The following MRPS28 variants were observed in gnomAD, a reference collection of about 807,000 sequenced individuals.
MRPS28 encodes the protein small ribosomal subunit protein bS1m.
MRPS28 carries 7 observed loss-of-function variants against 10.8 expected under a neutral mutation model. The ratio of observed to expected loss-of-function variants is 0.65; its 90% CI spans 0.37 to 1.22. MRPS28 has a LOEUF of 1.22. MRPS28 is among the 50% of genes most tolerant of loss of function. The pLI is 0.02. For synonymous variants in MRPS28, 121 were observed against 93.3 expected, an observed-to-expected ratio of 1.30 and a Z score of -1.71; for missense variants, 265 against 232.9, an observed-to-expected ratio of 1.14 and a Z score of -0.90.
intron 2 of MRPS28, among the ~76,000 whole-genome samples, chr8:79,991,699 T>C (rs1223131343): frequency 1.3e-5 from 2 of 152,238 alleles, no homozygotes; most frequent in African/African-American, 2.4e-5. Context: ...TAAATTTTTG[T>C]ATTAAAAGTT....
intron 1 of MRPS28, among the ~76,000 whole-genome samples, chr8:80,009,966 A>C (rs1310471387): frequency 1.3e-5 from 2 of 152,240 alleles, no homozygotes; most frequent in Non-Finnish European, 2.9e-5. Context: ...TCTGAACATG[A>C]GTTCCTGATA....
At chr8:79,981,895 TG>T (rs1807965026) in intron 2 of MRPS28, among the ~76,000 whole-genome samples, 1 of 152,234 alleles carries the variant, frequency 6.6e-6, no homozygotes, top group Admixed American at 6.5e-5. Flanking sequence ...TATACCTATT[TG>T]ATATCTAATT....
At chr8:79,975,384 A>ATTTT (rs1807767944) in intron 2 of MRPS28, among the ~76,000 whole-genome samples, 1 of 152,218 alleles carries the variant, frequency 6.6e-6, no homozygotes, top group Non-Finnish European at 1.5e-5. Flanking sequence ...CAAAGGCAAA[A>ATTTT]GCCTTTGTAA....
At chr8:79,990,191 T>C (rs560081101) in intron 2 of MRPS28, among the ~76,000 whole-genome samples, 1 of 152,072 alleles carries the variant, frequency 6.6e-6, no homozygotes, top group East Asian at 1.9e-4. Flanking sequence ...AGAATAACCA[T>C]AACATGTCTA....
intron 1 of MRPS28, among the ~76,000 whole-genome samples, chr8:80,013,631 T>A (rs2130204034): frequency 5.1e-5 from 2 of 39,264 alleles, no homozygotes; most frequent in Non-Finnish European, 4.5e-5. Flanking sequence ...CAAGACTCCA[T>A]CTCAAAAAAA....
intron 2 of MRPS28, among the ~76,000 whole-genome samples, chr8:79,929,079 A>G (rs1482254920): frequency 6.6e-6 from 1 of 152,094 alleles, no homozygotes; most frequent in East Asian, 1.9e-4. Flanking sequence ...AAACAAAACA[A>G]AAAAACACTA....
intron 2 of MRPS28, among the ~76,000 whole-genome samples, chr8:79,923,397 G>A (rs1210817475): frequency 6.6e-6 from 1 of 152,012 alleles, no homozygotes; most frequent in Non-Finnish European, 1.5e-5. Context: ...GTCTTATAAT[G>A]TCTTTCCTAT....
At chr8:80,002,214 ATG>A (rs1484026451) in intron 2 of MRPS28, among the ~76,000 whole-genome samples, 1 of 152,160 alleles carries the variant, frequency 6.6e-6, no homozygotes, top group Non-Finnish European at 1.5e-5. Flanking sequence ...CAATTTTTAT[ATG>A]CCAAAAACTT....
chr8:79,983,972 T>C (rs1337444926), intron 2 of MRPS28, among the ~76,000 whole-genome samples: 2 of 151,954 alleles, frequency 1.3e-5, no homozygotes, highest in East Asian at 1.9e-4. Context: ...CACATAATTG[T>C]CAGATTCACC....
intron 2 of MRPS28, among the ~76,000 whole-genome samples, chr8:79,934,826 T>A (rs959154277): frequency 6.6e-6 from 1 of 152,254 alleles, no homozygotes; most frequent in Non-Finnish European, 1.5e-5. Flanking sequence ...CTGATTAAAA[T>A]ATTTCAATAA....
chr8:80,009,038 G>A (rs6992557), intron 1 of MRPS28, among the ~76,000 whole-genome samples: 113,982 of 152,046 alleles, frequency 0.75, 43,022 homozygotes, highest in East Asian at 0.85. Flanking sequence ...ATGTCCATCA[G>A]TGATAGACTG....
intron 2 of MRPS28, among the ~76,000 whole-genome samples, chr8:79,965,489 C>G (rs1055790092): frequency 6.6e-6 from 1 of 152,030 alleles, no homozygotes; most frequent in Non-Finnish European, 1.5e-5. Context: ...CCACAGTAGT[C>G]TCATAAATGA....
intron 1 of MRPS28, among the ~76,000 whole-genome samples, chr8:80,023,718 G>A (rs1280442598): frequency 6.6e-6 from 1 of 152,120 alleles, no homozygotes; most frequent in Admixed American, 6.5e-5. Flanking sequence ...GTTCTGAAAA[G>A]TAGCATGCCA....
chr8:79,968,393 T>C (rs909894327), intron 2 of MRPS28, among the ~76,000 whole-genome samples: 3 of 152,118 alleles, frequency 2.0e-5, no homozygotes, highest in Non-Finnish European at 4.4e-5. Flanking sequence ...TCAATCAGAA[T>C]CTCCTAGAAT....
At chr8:79,948,144 C>A (rs767631192) in intron 2 of MRPS28, among the ~76,000 whole-genome samples, 13 of 151,688 alleles carry the variant, frequency 8.6e-5, no homozygotes, top group Non-Finnish European at 1.8e-4. Flanking sequence ...TGCACCCCAA[C>A]GCCTGGCTAA....
chr8:79,972,751 A>G (rs191878898), intron 2 of MRPS28, among the ~76,000 whole-genome samples: 7 of 152,374 alleles, frequency 4.6e-5, no homozygotes, highest in Admixed American at 3.3e-4. Context: ...TCAGATTCAG[A>G]GTTCGAAACA....
intron 2 of MRPS28, among the ~76,000 whole-genome samples, chr8:79,939,576 T>G (rs1479597892): frequency 1.3e-5 from 2 of 152,202 alleles, no homozygotes; most frequent in African/African-American, 4.8e-5. Flanking sequence ...CTTTCTACAA[T>G]GTACTTGCCT....
At chr8:79,995,498 T>TA (rs1808476886) in intron 2 of MRPS28, among the ~76,000 whole-genome samples, 1 of 152,144 alleles carries the variant, frequency 6.6e-6, no homozygotes, top group African/African-American at 2.4e-5. Context: ...CTGGAGGTGT[T>TA]AAAGTCTCAA....
At chr8:79,989,390 G>A (rs1030040271) in intron 2 of MRPS28, among the ~76,000 whole-genome samples, 1 of 152,068 alleles carries the variant, frequency 6.6e-6, no homozygotes, top group Non-Finnish European at 1.5e-5. Context: ...AAGGAGATAA[G>A]GTTATCTTCT....
Sources: allele counts gnomAD v4.1 joint callset (sites outside exome capture counted in the v4.1 genomes callset), GRCh38; gene constraint gnomAD v4.1.1; transcripts MANE v1.5; gene names NCBI Gene and HGNC (gene_info 2026-07-23, HGNC 2026-07-21).